The following IFT74 variants were observed in gnomAD, a reference collection of about 807,000 sequenced individuals.
IFT74 encodes the protein intraflagellar transport 74.
IFT74 carries 92 observed loss-of-function variants against 96.7 expected under a neutral mutation model. The ratio of observed to expected loss-of-function variants is 0.95; its 90% CI spans 0.80 to 1.13. IFT74 has a LOEUF of 1.13. Among genes scored for constraint, IFT74 ranks in the 50% most tolerant of loss-of-function variants. The pLI is 0.00. For missense variants in IFT74, 811 were observed against 698.2 expected (o/e 1.16, Z -1.82); for synonymous variants, 223 against 213.2 (o/e 1.05, Z -0.40).
upstream of IFT74, among the ~76,000 whole-genome samples, chr9:26,954,232 C>T (rs1826013901): frequency 6.6e-6 from 1 of 152,178 alleles, no homozygotes; most frequent in Admixed American, 6.5e-5. Flanking sequence ...TGAAGTCGCT[C>T]TAATGCACTG....
intron 2 of IFT74, among the ~76,000 whole-genome samples, chr9:26,973,275 TC>T (rs1348528989): frequency 2.0e-5 from 3 of 152,320 alleles, no homozygotes; most frequent in African/African-American, 7.2e-5. Flanking sequence ...CTTGTACTAA[TC>T]AGTATGACCC....
At chr9:26,995,404 T>G in intron 8 of IFT74, 1 of 633,490 alleles carries the variant, frequency 1.6e-6, no homozygotes, top group Non-Finnish European at 2.7e-6. Context: ...TATTCATGTA[T>G]GTTGTCATTA....
At chr9:27,015,247 A>C (rs1829285367) in intron 10 of IFT74, among the ~76,000 whole-genome samples, 1 of 152,196 alleles carries the variant, frequency 6.6e-6, no homozygotes, top group African/African-American at 2.4e-5. Flanking sequence ...CTAATCTGTT[A>C]CTTGAACTGT....
intron 13 of IFT74, chr9:27,036,455 A>G (rs1249446749): frequency 1.2e-6 from 2 of 1,613,602 alleles, no homozygotes; most frequent in South Asian, 1.1e-5. Flanking sequence ...TGCAGATCCT[A>G]CCAACTATGG....
intron 8 of IFT74, among the ~76,000 whole-genome samples, chr9:26,990,761 T>A (rs1016871071): frequency 6.6e-6 from 1 of 152,206 alleles, no homozygotes; most frequent in African/African-American, 2.4e-5. Context: ...GTTAACTTAT[T>A]TGTGTTTTGT....
At chr9:26,983,757 G>A (rs1472182483) in intron 4 of IFT74, 9 of 150,620 alleles carry the variant, frequency 6.0e-5, no homozygotes, top group African/African-American at 2.2e-4. Flanking sequence ...GAGTAGAATA[G>A]GATGGGATAT....
intron 9 of IFT74, among the ~76,000 whole-genome samples, chr9:27,010,697 T>C (rs1231118349): frequency 6.7e-6 from 1 of 149,544 alleles, no homozygotes; most frequent in Admixed American, 6.6e-5. Context: ...TTCACCGTGT[T>C]AGCCAGGTGA....
At position 26,980,632 on chromosome 9, in the gene IFT74, T is replaced by C; in HGVS notation, c.305+13T>C. On this transcript the variant is annotated intron_variant, in intron 4 of 19. Coordinates refer to ENST00000380062, the MANE Select transcript of IFT74 (RefSeq NM_025103.4). ...TTGGGCTTCTTAGGTATGTTAAACATATCTTTTCATCCGTATGTTTTACTC... is the reference window on the plus strand; with the variant it reads ...TTGGGCTTCTTAGGTATGTTAAACACATCTTTTCATCCGTATGTTTTACTC... 1 of 1,547,304 alleles carries C rather than the reference T, an allele frequency of 6.5e-7. No individual in the cohort carries two copies. The highest frequency in any genetic ancestry group is 8.9e-7 in the Non-Finnish European group (1 of 1,121,762).
At chr9:26,955,234 A>G (rs147634036), upstream of IFT74, among the ~76,000 whole-genome samples, 915 of 152,274 alleles carry the variant, frequency 6.0e-3, 9 homozygotes, top group Middle Eastern at 0.01. Context: ...TCCTCCCAAT[A>G]AAGCCTCTGA....
At chr9:27,033,744 A>AT (rs58042667) in intron 13 of IFT74, among the ~76,000 whole-genome samples, 4,874 of 152,250 alleles carry the variant, frequency 0.032, 263 homozygotes, top group African/African-American at 0.11. Flanking sequence ...ATTCATGTTT[A>AT]TAACTTGTCT....
intron 2 of IFT74, among the ~76,000 whole-genome samples, chr9:26,975,326 A>G (rs950494397): frequency 6.6e-6 from 1 of 152,156 alleles, no homozygotes; most frequent in Non-Finnish European, 1.5e-5. Context: ...AAAAAAGAGC[A>G]TAGTCTGTTT....
intron 13 of IFT74, among the ~76,000 whole-genome samples, chr9:27,035,553 T>A (rs1233835269): frequency 6.6e-6 from 1 of 152,248 alleles, no homozygotes; most frequent in African/African-American, 2.4e-5. Flanking sequence ...AGGAGAGGGC[T>A]CAGCAATTTG....
chr9:27,047,432 T>A, intron 15 of IFT74, 61 bp downstream of exon 15: 2 of 989,298 alleles, frequency 2.0e-6, no homozygotes, highest in Admixed American at 2.4e-5. Context: ...ACTTTCCAAA[T>A]ACAACTCAAA....
intron 16 of IFT74, among the ~76,000 whole-genome samples, chr9:27,049,381 C>G (rs1047946068): frequency 7.9e-5 from 12 of 152,168 alleles, no homozygotes; most frequent in Non-Finnish European, 1.8e-4. Flanking sequence ...ATAGTACATT[C>G]TTTCGGCGGC....
At chr9:26,955,767 T>C (rs1438353178), upstream of IFT74, 2 of 151,034 alleles carry the variant, frequency 1.3e-5, no homozygotes, top group Non-Finnish European at 2.9e-5. Context: ...TCAATGAAGA[T>C]TGGAAGGAAA....
intron 1 of IFT74, among the ~76,000 whole-genome samples, chr9:26,958,428 TATA>T (rs1826214098): frequency 6.6e-6 from 1 of 152,176 alleles, no homozygotes; most frequent in African/African-American, 2.4e-5. Context: ...AAGAGGCTGG[TATA>T]ATAGTCCACC....
intron 14 of IFT74, among the ~76,000 whole-genome samples, chr9:27,045,976 A>G (rs988311261): frequency 2.0e-5 from 3 of 152,172 alleles, no homozygotes; most frequent in Non-Finnish European, 2.9e-5. Flanking sequence ...TTAGGTGTCA[A>G]TAAGTGTTCA....
intron 12 of IFT74, 113 bp from the exon 13 acceptor site, chr9:27,028,909 ATAT>A: frequency 3.4e-6 from 3 of 874,468 alleles, no homozygotes; most frequent in Non-Finnish European, 3.5e-6. Context: ...AGAATAAGAC[ATAT>A]TATTTTTAGA....
intron 16 of IFT74, among the ~76,000 whole-genome samples, chr9:27,053,163 T>A (rs1417731707): frequency 4.2e-5 from 1 of 23,908 alleles, no homozygotes; most frequent in East Asian, 2.4e-3. Context: ...CGCCTGGCCT[T>A]TTTTTTTTTT....
Sources: allele counts gnomAD v4.1 joint callset (sites outside exome capture counted in the v4.1 genomes callset), GRCh38; gene constraint gnomAD v4.1.1; transcripts MANE v1.5; gene names NCBI Gene and HGNC (gene_info 2026-07-23, HGNC 2026-07-21).